KIF4A: variants seen among roughly 807,000 people sequenced by gnomAD.
The protein encoded by KIF4A is chromosome-associated kinesin KIF4A.
Under a neutral mutation model 105.9 loss-of-function variants are expected in KIF4A, and 7 were observed. The ratio of observed to expected loss-of-function variants is 0.07; its 90% CI spans 0.04 to 0.12. KIF4A has a LOEUF of 0.12. Among genes scored for constraint, KIF4A ranks in the 10% least tolerant of loss-of-function variants. The pLI is 1.00. For missense variants in KIF4A, 558 were observed against 929.2 expected (o/e 0.60, Z 5.19); for synonymous variants, 281 against 331.3 (o/e 0.85, Z 1.65).
intron 27 of KIF4A, 64 bp from the exon 28 acceptor site, chrX:70,406,829 A>G: frequency 1.9e-6 from 2 of 1,072,357 alleles, no homozygotes; most frequent in Non-Finnish European, 2.6e-6. Context: ...CTGGGAAGAT[A>G]TGATGCATAT....
At chrX:70,324,698 G>GA (rs758019686) in intron 7 of KIF4A, among the ~76,000 whole-genome samples, 2,830 of 102,964 alleles carry the variant, frequency 0.027, 34 homozygotes, top group Non-Finnish European at 0.042. Context: ...AAAATCATTT[G>GA]AAAAAAAAAA....
chrX:70,357,803 T>C (rs768626950), intron 15 of KIF4A, among the ~76,000 whole-genome samples: 1 of 112,177 alleles, frequency 8.9e-6, no homozygotes, highest in African/African-American at 3.2e-5. Flanking sequence ...GACCTATTTT[T>C]TTTTACTTTG....
chrX:70,353,119 T>G (rs2086037860), intron 14 of KIF4A, among the ~76,000 whole-genome samples: 1 of 112,300 alleles, frequency 8.9e-6, no homozygotes, highest in Non-Finnish European at 1.9e-5. Flanking sequence ...TAAAATGTGT[T>G]AGATGTTGAC....
intron 7 of KIF4A, among the ~76,000 whole-genome samples, chrX:70,304,649 C>T (rs1602740692): frequency 5.8e-5 from 3 of 51,536 alleles, no homozygotes; most frequent in Admixed American, 3.0e-4. Flanking sequence ...TACTTCATTC[C>T]TTTTTTTTTT....
At chrX:70,314,543 GAGT>G (rs2085862516) in intron 7 of KIF4A, among the ~76,000 whole-genome samples, 1 of 111,695 alleles carries the variant, frequency 9.0e-6, no homozygotes, top group Admixed American at 9.5e-5. Flanking sequence ...GTCAGATTTG[GAGT>G]ACATATTAGA....
At chrX:70,327,798 A>G (rs1230261614) in intron 7 of KIF4A, among the ~76,000 whole-genome samples, 2 of 112,169 alleles carry the variant, frequency 1.8e-5, no homozygotes, top group African/African-American at 3.2e-5. Flanking sequence ...TCAGTATTGT[A>G]GCCTACAAAT....
intron 7 of KIF4A, among the ~76,000 whole-genome samples, chrX:70,305,911 T>G (rs868738357): frequency 5.3e-5 from 6 of 112,348 alleles, no homozygotes; most frequent in Non-Finnish European, 1.1e-4. Context: ...ATTATGCCTT[T>G]TTAATTATAG....
chrX:70,360,298 G>A (rs982984953), intron 15 of KIF4A, among the ~76,000 whole-genome samples: 7 of 112,795 alleles, frequency 6.2e-5, no homozygotes, highest in Non-Finnish European at 9.4e-5. Context: ...ACTAACCCAC[G>A]TTAACAGTCT....
chrX:70,308,121 C>T (rs1226349679), intron 7 of KIF4A, among the ~76,000 whole-genome samples: 1 of 111,810 alleles, frequency 8.9e-6, no homozygotes, highest in Non-Finnish European at 1.9e-5. Context: ...ACTTTCTAGA[C>T]CTTCAGAAAT....
rs1555945529 is a variant in KIF4A at position 70,310,311 on chromosome X, TTGTGTGTGTGTG to T, written c.778+7940_778+7951del. Among the ~76,000 whole-genome samples, 45 of 86,293 alleles carry T rather than the reference TTGTGTGTGTGTG, an allele frequency of 5.2e-4. No individual in the cohort carries two copies. In the East Asian group the frequency reaches 5.6e-3, roughly 11 times the overall value. The allele number at this position is 86,293 out of a possible 115,157, so 74.9% of individuals were successfully genotyped here. A position where few individuals can be genotyped will look rare whatever the true frequency, so the allele number is the denominator to read the frequency against. ...TCATTACAGTGGGATCTCAAAATGG[TTGTGTGTGTGTG>T]TGTGTGTGTGTGTGTGTGTGTGTGT... is the stretch of plus-strand genomic sequence containing the variant. On this transcript the variant is annotated intron_variant, in intron 7 of 30. Coordinates refer to ENST00000374403, the MANE Select transcript of KIF4A (RefSeq NM_012310.5).
intron 7 of KIF4A, among the ~76,000 whole-genome samples, chrX:70,307,016 G>A (rs1331342701): frequency 9.2e-6 from 1 of 108,925 alleles, no homozygotes; most frequent in East Asian, 2.9e-4. Context: ...TTGTAGAGAC[G>A]GGTCTCACTT....
chrX:70,365,580 C>T (rs1295448296), intron 15 of KIF4A, among the ~76,000 whole-genome samples: 3 of 111,563 alleles, frequency 2.7e-5, no homozygotes, highest in African/African-American at 6.5e-5. Flanking sequence ...GCCTTGCATC[C>T]CAGGGATGAA....
chrX:70,363,890 C>A (rs1438181008), intron 15 of KIF4A, among the ~76,000 whole-genome samples: 6 of 111,994 alleles, frequency 5.4e-5, no homozygotes, highest in African/African-American at 1.9e-4. Flanking sequence ...TCTCCACATC[C>A]TCTCCAGTAC....
In KIF4A at chrX:70,353,724, A is replaced by G; in HGVS notation, c.1591A>G (p.Lys531Glu). ...QMSKELVELNKALALKEALAR... is the reference protein window; with the variant it reads ...QMSKELVELNEALALKEALAR... ...GTCTAAGGAGCTGGTTGAGTTGAAT[A>G]AAGCGCTTGCACTGAAAGAGGCCCT... is the stretch of plus-strand genomic sequence containing the variant. Residue 531 changes from lysine to glutamate, a missense_variant, in exon 15 of 31, where the codon AAA becomes GAA. Lys to Glu is a moderately conservative substitution (Grantham distance 56). Coordinates refer to ENST00000374403, the MANE Select transcript of KIF4A (RefSeq NM_012310.5). 1 of 1,208,946 alleles carries G rather than the reference A, an allele frequency of 8.3e-7. No individual in the cohort carries two copies. The highest frequency in any genetic ancestry group is 1.1e-6 in the Non-Finnish European group (1 of 894,039).
chrX:70,390,862 G>A (rs1476139762), intron 20 of KIF4A, among the ~76,000 whole-genome samples: 2 of 111,804 alleles, frequency 1.8e-5, no homozygotes, highest in African/African-American at 6.5e-5. Context: ...CATAGAAATA[G>A]AAACATACAG....
At position 70,410,767 on chromosome X, in the gene KIF4A, G is replaced by A. The variant is rs899889984; in HGVS notation, c.3255+3692G>A. On this transcript the variant is annotated intron_variant, in intron 28 of 30. Transcript: ENST00000374403. Reference sequence around the variant, plus strand: ...AGGCAGAACCCAGGCTGTAATGCTTGCTCGCCTGCAGCTCACCTCCTGCTG... The same window carrying A: ...AGGCAGAACCCAGGCTGTAATGCTTACTCGCCTGCAGCTCACCTCCTGCTG... 5.4e-5 allele frequency among the ~76,000 whole-genome samples: 6 copies of A among 111,870 alleles called. No individual in the cohort carries two copies. The South Asian group carries it at 2.2e-3, about 42-fold the overall frequency.
At chrX:70,305,019 G>A (rs1251956968) in intron 7 of KIF4A, among the ~76,000 whole-genome samples, 1 of 110,995 alleles carries the variant, frequency 9.0e-6, no homozygotes, top group Non-Finnish European at 1.9e-5. Context: ...CATTTTGGTT[G>A]TTCATTCATC....
chrX:70,322,819 C>T (rs1302774285), intron 7 of KIF4A, among the ~76,000 whole-genome samples: 1 of 108,722 alleles, frequency 9.2e-6, no homozygotes, highest in Non-Finnish European at 1.9e-5. Flanking sequence ...AACCCTACTA[C>T]CACTATCTTA....
chrX:70,349,008 G>A lies in KIF4A; in HGVS notation c.1432-3592G>A, dbSNP rs773471029. On this transcript the variant is annotated intron_variant, in intron 13 of 30. Transcript: ENST00000374403. ...CAGAGGCACTCCTCACCTCCCAGAC[G>A]GGGCGGCCGGGCAGAGACGCTCCTC... is the stretch of plus-strand genomic sequence containing the variant. Among the ~76,000 whole-genome samples the A allele has an allele frequency of 7.0e-3, 692 of 98,646 alleles. 3 individuals are homozygous for A. Among genetic ancestry groups the A allele is most frequent in the African/African-American group, 0.025 (659 of 26,446 alleles). 85.7% of individuals were successfully genotyped at this position (98,646 alleles called of 115,157 possible). A position where few individuals can be genotyped will look rare whatever the true frequency, so the allele number is the denominator to read the frequency against.
Sources: allele counts gnomAD v4.1 joint callset (sites outside exome capture counted in the v4.1 genomes callset), GRCh38; gene constraint gnomAD v4.1.1; transcripts MANE v1.5; gene names NCBI Gene and HGNC (gene_info 2026-07-23, HGNC 2026-07-21).